Variants in PREX2 observed in about 807,000 individuals in gnomAD.
The protein encoded by PREX2 is phosphatidylinositol 3,4,5-trisphosphate-dependent Rac exchanger 2 protein.
A neutral mutation model predicts 203.2 loss-of-function variants in PREX2; 107 were observed. The observed-to-expected ratio is 0.53, with a 90% CI of 0.45 to 0.62. The LOEUF is 0.62. PREX2 is among the 20% of genes least tolerant of loss of function. PREX2 has a pLI of 0.00. For missense variants in PREX2, 1,777 were observed against 1,955.9 expected (o/e 0.91, Z 1.72); for synonymous variants, 672 against 663.6 (o/e 1.01, Z -0.19).
rs148797661 is a variant in PREX2, at chr8:68,203,714, C to T, written c.4604+11189C>T. On this transcript the variant is annotated intron_variant, in intron 37 of 39. Coordinates refer to ENST00000288368, the MANE Select transcript of PREX2 (RefSeq NM_024870.4). The stretch of plus-strand genomic sequence containing the variant: ...ATAGAGTATTAATATTCCCTGGTGC[C>T]TCACATCCCCGTCCTCTGTGCACCC... Among the ~76,000 whole-genome samples, 6 of 152,222 alleles carry T rather than the reference C, an allele frequency of 3.9e-5. No individual in the cohort carries two copies. In the East Asian group the frequency reaches 1.2e-3, roughly 29 times the overall value.
At chr8:68,211,419 T>C (rs940202089) in intron 37 of PREX2, among the ~76,000 whole-genome samples, 10 of 152,198 alleles carry the variant, frequency 6.6e-5, no homozygotes. Flanking sequence ...TATGATGAGA[T>C]CTGAGAAACT....
In PREX2 at chr8:68,231,934, A is replaced by ATGCTT. The variant is rs1199362472; in HGVS notation, c.*558_*562dup. On this transcript the variant is annotated 3_prime_UTR_variant, in exon 40 of 40. Coordinates refer to ENST00000288368, the MANE Select transcript of PREX2 (RefSeq NM_024870.4). The stretch of plus-strand genomic sequence containing the variant: ...ATTAATGTGTAAAAGGTGGAAAAGC[A>ATGCTT]TGCTTTACTCTTTCTCCTAAGGGCT... 2.0e-5 allele frequency: 3 copies of ATGCTT among 152,376 alleles called. No individual in the cohort carries two copies. Among genetic ancestry groups the ATGCTT allele is most frequent in the Non-Finnish European group, 4.4e-5 (3 of 68,146 alleles). 9.4% of individuals were successfully genotyped at this position (152,376 alleles called of 1,614,324 possible).
intron 5 of PREX2, among the ~76,000 whole-genome samples, chr8:68,029,049 G>A (rs1271678684): frequency 6.6e-6 from 1 of 152,060 alleles, no homozygotes; most frequent in African/African-American, 2.4e-5. Context: ...ATTTGTCTGT[G>A]TTGTACCATC....
intron 23 of PREX2, among the ~76,000 whole-genome samples, chr8:68,104,490 A>C (rs1197635319): frequency 1.3e-5 from 2 of 152,080 alleles, no homozygotes; most frequent in Non-Finnish European, 2.9e-5. Context: ...CCAGATGCTC[A>C]CATTTCTAAC....
intron 10 of PREX2, among the ~76,000 whole-genome samples, chr8:68,057,035 T>A (rs1808699276): frequency 6.6e-6 from 1 of 152,108 alleles, no homozygotes; most frequent in African/African-American, 2.4e-5. Flanking sequence ...CCCACCCAAA[T>A]CTCATCTTGA....
chr8:68,114,442 C>T (rs1810601309), intron 25 of PREX2: 2 of 391,586 alleles, frequency 5.1e-6, no homozygotes, highest in East Asian at 1.5e-4. Context: ...TTGAGAAGCC[C>T]TATATGGGTC....
intron 1 of PREX2, among the ~76,000 whole-genome samples, chr8:67,953,837 C>T (rs1235880703): frequency 6.6e-6 from 1 of 152,154 alleles, no homozygotes; most frequent in Non-Finnish European, 1.5e-5. Flanking sequence ...TTATTATATA[C>T]TTCCTTGTAA....
intron 11 of PREX2, among the ~76,000 whole-genome samples, chr8:68,062,235 C>A (rs1210583828): frequency 6.6e-6 from 1 of 152,136 alleles, no homozygotes; most frequent in Non-Finnish European, 1.5e-5. Flanking sequence ...TAGTCGCCGT[C>A]ATCTCCTCCT....
intron 1 of PREX2, among the ~76,000 whole-genome samples, chr8:67,961,712 A>G (rs1325421561): frequency 6.6e-6 from 1 of 152,160 alleles, no homozygotes; most frequent in Non-Finnish European, 1.5e-5. Context: ...TAAGAAAATG[A>G]TATGTTAATT....
intron 35 of PREX2, among the ~76,000 whole-genome samples, chr8:68,178,236 T>C (rs1401917760): frequency 6.6e-6 from 1 of 152,160 alleles, no homozygotes; most frequent in East Asian, 1.9e-4. Flanking sequence ...ATTTACACTC[T>C]CACCAACAGT....
At chr8:68,095,518 TACA>T (rs553500694) in intron 21 of PREX2, among the ~76,000 whole-genome samples, 25,935 of 150,068 alleles carry the variant, frequency 0.17, 2,401 homozygotes, top group East Asian at 0.28. Context: ...CATACATACA[TACA>T]TACATACATA....
At position 68,232,091 on chromosome 8, in the gene PREX2, G is replaced by A. The variant is rs907999296; in HGVS notation, c.*713G>A. 2 of 152,156 alleles carry A rather than the reference G, an allele frequency of 1.3e-5. No individual in the cohort carries two copies. Among genetic ancestry groups the A allele is most frequent in the Non-Finnish European group, 2.9e-5 (2 of 68,040 alleles). The allele number at this position is 152,156 out of a possible 1,614,324, so 9.4% of individuals were successfully genotyped here. On this transcript the variant is annotated 3_prime_UTR_variant, in exon 40 of 40. Coordinates refer to ENST00000288368, the MANE Select transcript of PREX2 (RefSeq NM_024870.4). ...CAATGCTATTTTTGGTGTCTGCAAT[G>A]GGCATGGCTTCCTTGGGCCATGAAT...
chr8:68,152,873 G>A (rs1170471802), intron 34 of PREX2, among the ~76,000 whole-genome samples: 2 of 152,188 alleles, frequency 1.3e-5, no homozygotes, highest in African/African-American at 2.4e-5. Context: ...CTCCACAGGA[G>A]TGTGTCCGTA....
chr8:67,967,596 T>C (rs886575616), intron 1 of PREX2, among the ~76,000 whole-genome samples: 55 of 152,140 alleles, frequency 3.6e-4, no homozygotes, highest in African/African-American at 1.2e-3. Context: ...AAGTATCCTT[T>C]AGCAGCGAGG....
chr8:68,144,034 A>G (rs887670660), intron 33 of PREX2, among the ~76,000 whole-genome samples: 1 of 151,994 alleles, frequency 6.6e-6, no homozygotes, highest in African/African-American at 2.4e-5. Flanking sequence ...TCTCTGTTCT[A>G]TTTCATTGAT....
At position 68,091,792 on chromosome 8, in the gene PREX2, G is replaced by A. The variant is rs1477216974; in HGVS notation, c.2250+1077G>A. Among the ~76,000 whole-genome samples the A allele has an allele frequency of 6.6e-5, 10 of 152,290 alleles. No homozygotes were observed. The East Asian group carries it at 1.9e-3, about 29-fold the overall frequency. ...TTAATAAGCAGAGAAATCGATTTGA[G>A]TTTCATTTCTTTTTATTTTCCCTGC... On this transcript the variant is annotated intron_variant, in intron 20 of 39. Coordinates refer to ENST00000288368, the MANE Select transcript of PREX2 (RefSeq NM_024870.4).
intron 34 of PREX2, among the ~76,000 whole-genome samples, chr8:68,154,027 A>G (rs989023025): frequency 6.6e-6 from 1 of 152,230 alleles, no homozygotes; most frequent in Middle Eastern, 3.2e-3. Context: ...CCAAAGTTGA[A>G]CCATCAAGAT....
In PREX2 at chr8:68,066,600, T is replaced by C. The variant is rs1215242620; in HGVS notation, c.1340-2433T>C. 2.6e-5 allele frequency among the ~76,000 whole-genome samples: 4 copies of C among 152,126 alleles called. 1 individual carries two copies. Among genetic ancestry groups the C allele is most frequent in the Non-Finnish European group, 5.9e-5 (4 of 67,936 alleles). ...GGTATTGCATTGAATTAATTTCTTATATGTTTTGAATATTTGCCTCCTACT... is the reference window on the plus strand; with the variant it reads ...GGTATTGCATTGAATTAATTTCTTACATGTTTTGAATATTTGCCTCCTACT... On this transcript the variant is annotated intron_variant, in intron 11 of 39. Coordinates refer to ENST00000288368, the MANE Select transcript of PREX2 (RefSeq NM_024870.4).
In PREX2 at chr8:68,233,428, T is replaced by G. The variant is rs1458388246; in HGVS notation, c.*2050T>G. On this transcript the variant is annotated 3_prime_UTR_variant, in exon 40 of 40. Transcript: ENST00000288368. ...TATAAGCTAACATATTTTATATTTT[T>G]AAGGATCTACTTTCTTCATAATAGA... The G allele has an allele frequency of 2.0e-5, 3 of 152,200 alleles. No homozygotes were observed. Among genetic ancestry groups the G allele is most frequent in the African/African-American group, 7.2e-5 (3 of 41,450 alleles). 9.4% of individuals were successfully genotyped at this position (152,200 alleles called of 1,614,324 possible). A position where few individuals can be genotyped will look rare whatever the true frequency, so the allele number is the denominator to read the frequency against.
Sources: allele counts gnomAD v4.1 joint callset (sites outside exome capture counted in the v4.1 genomes callset), GRCh38; gene constraint gnomAD v4.1.1; transcripts MANE v1.5; gene names NCBI Gene and HGNC (gene_info 2026-07-23, HGNC 2026-07-21).